Variants in NKAIN3 observed in about 807,000 individuals in gnomAD.
NKAIN3 encodes sodium/potassium-transporting ATPase subunit beta-1-interacting protein 3.
A neutral mutation model predicts 30.2 loss-of-function variants in NKAIN3; 25 were observed. That is an observed-to-expected ratio of 0.83 (90% CI 0.60 to 1.16). The LOEUF (loss-of-function observed/expected upper bound fraction) is 1.16. NKAIN3 is among the 50% of genes most tolerant of loss of function. The pLI is 0.00. For missense variants in NKAIN3, 225 were observed against 254.1 expected (o/e 0.89, Z 0.78); for synonymous variants, 91 against 89.6 (o/e 1.02, Z -0.09).
chr8:62,928,810 T>G (rs1822527352), intron 5 of NKAIN3, among the ~76,000 whole-genome samples: 1 of 152,110 alleles, frequency 6.6e-6, no homozygotes. Flanking sequence ...AGGTTGACCA[T>G]ATAATTTGAG....
At chr8:62,669,313 C>G (rs573017440) in intron 3 of NKAIN3, among the ~76,000 whole-genome samples, 1 of 152,244 alleles carries the variant, frequency 6.6e-6, no homozygotes, top group Non-Finnish European at 1.5e-5. Context: ...CTTCCTTCCT[C>G]TTTTACCTTC....
intron 4 of NKAIN3, among the ~76,000 whole-genome samples, chr8:62,813,055 CTCCACAGTGATA>C (rs1363388262): frequency 2.6e-5 from 4 of 152,054 alleles, no homozygotes; most frequent in African/African-American, 9.6e-5. Flanking sequence ...CCTCATTCTT[CTCCACAGTGATA>C]TCCAATTTTC....
intron 1 of NKAIN3, among the ~76,000 whole-genome samples, chr8:62,280,606 G>A (rs1813145717): frequency 6.6e-6 from 1 of 152,102 alleles, no homozygotes; most frequent in South Asian, 2.1e-4. Flanking sequence ...TTTTGTCAAA[G>A]GCCTTTTCTG....
chr8:62,573,011 G>A (rs1036040480), intron 1 of NKAIN3, among the ~76,000 whole-genome samples: 4 of 152,102 alleles, frequency 2.6e-5, no homozygotes, highest in Admixed American at 2.0e-4. Flanking sequence ...TAGTTAATGC[G>A]GGGCATGGCT....
At chr8:62,293,060 T>A (rs1054694939) in intron 1 of NKAIN3, among the ~76,000 whole-genome samples, 1 of 152,214 alleles carries the variant, frequency 6.6e-6, no homozygotes, top group South Asian at 2.1e-4. Flanking sequence ...GTAGTTCTGA[T>A]GCCATGGTTT....
intron 4 of NKAIN3, among the ~76,000 whole-genome samples, chr8:62,845,289 A>ATATATATATATATATATAT (rs1819650097): frequency 9.1e-6 from 1 of 110,380 alleles, no homozygotes. Context: ...AGTAGATTAT[A>ATATATATATATATATATAT]TATATATATA....
chr8:62,838,169 T>C (rs993616657), intron 4 of NKAIN3, among the ~76,000 whole-genome samples: 1 of 150,932 alleles, frequency 6.6e-6, no homozygotes, highest in African/African-American at 2.4e-5. Context: ...AATGAGCATA[T>C]CATGAAATAT....
At chr8:62,354,001 C>T (rs1423193053) in intron 1 of NKAIN3, among the ~76,000 whole-genome samples, 1 of 152,088 alleles carries the variant, frequency 6.6e-6, no homozygotes, top group African/African-American at 2.4e-5. Context: ...TTGATTATAG[C>T]TCAATCTGAG....
chr8:62,581,491 T>C (rs1810290904), intron 2 of NKAIN3, among the ~76,000 whole-genome samples: 1 of 152,218 alleles, frequency 6.6e-6, no homozygotes, highest in South Asian at 2.1e-4. Context: ...CCGTATGCAC[T>C]ATTCACATAA....
intron 4 of NKAIN3, among the ~76,000 whole-genome samples, chr8:62,854,356 G>T (rs1302125555): frequency 1.3e-5 from 2 of 152,142 alleles, no homozygotes; most frequent in East Asian, 1.9e-4. Context: ...AAGTCTGTAA[G>T]AACTTGCTTT....
chr8:62,985,097 C>T (rs915151783), downstream of NKAIN3, among the ~76,000 whole-genome samples: 4 of 152,144 alleles, frequency 2.6e-5, no homozygotes, highest in African/African-American at 9.7e-5. Context: ...AATTTCTGAG[C>T]AACCCTGGAG....
chr8:62,561,211 A>G (rs573420936), intron 1 of NKAIN3, among the ~76,000 whole-genome samples: 1 of 152,158 alleles, frequency 6.6e-6, no homozygotes, highest in Non-Finnish European at 1.5e-5. Context: ...AAGAAAACCC[A>G]GGGAAATCAT....
intron 1 of NKAIN3, among the ~76,000 whole-genome samples, chr8:62,314,807 A>G (rs1814558698): frequency 6.6e-6 from 1 of 152,208 alleles, no homozygotes; most frequent in South Asian, 2.1e-4. Flanking sequence ...TTTTTAAAAC[A>G]TACACTTTGT....
chr8:62,741,410 G>A (rs1282107683), intron 3 of NKAIN3, among the ~76,000 whole-genome samples: 3 of 142,018 alleles, frequency 2.1e-5, no homozygotes, highest in African/African-American at 9.0e-5. Context: ...AAGGAAGGAA[G>A]GAAGGAAGGA....
At chr8:62,920,928 T>C (rs560190308) in intron 5 of NKAIN3, among the ~76,000 whole-genome samples, 4 of 152,216 alleles carry the variant, frequency 2.6e-5, no homozygotes, top group Non-Finnish European at 5.9e-5. Flanking sequence ...GGTAATTTTA[T>C]ATTTTTTATT....
chr8:62,646,534 T>A (rs576776014), intron 3 of NKAIN3, among the ~76,000 whole-genome samples: 4 of 152,266 alleles, frequency 2.6e-5, no homozygotes, highest in African/African-American at 9.6e-5. Flanking sequence ...AAATGTAAAA[T>A]TTAATTCTTA....
At chr8:62,412,807 G>T (rs928375563) in intron 1 of NKAIN3, among the ~76,000 whole-genome samples, 1 of 151,138 alleles carries the variant, frequency 6.6e-6, no homozygotes, top group Non-Finnish European at 1.5e-5. Flanking sequence ...AGCTACTCGG[G>T]AGGCTGAGGT....
chr8:62,876,652 T>C (rs186463252), intron 4 of NKAIN3, among the ~76,000 whole-genome samples: 1 of 152,310 alleles, frequency 6.6e-6, no homozygotes, highest in East Asian at 1.9e-4. Context: ...AATGAGATCA[T>C]GTCCTTTGCA....
At chr8:62,802,747 C>CAAA (rs1818115681) in intron 4 of NKAIN3, among the ~76,000 whole-genome samples, 1 of 152,126 alleles carries the variant, frequency 6.6e-6, no homozygotes, top group Admixed American at 6.5e-5. Context: ...ATGACAGGAT[C>CAAA]AAATTCACAC....
Sources: allele counts gnomAD v4.1 joint callset (sites outside exome capture counted in the v4.1 genomes callset), GRCh38; gene constraint gnomAD v4.1.1; transcripts MANE v1.5; gene names NCBI Gene and HGNC (gene_info 2026-07-23, HGNC 2026-07-21).